Variants in TMEM175 observed in about 807,000 individuals in gnomAD.
The protein encoded by TMEM175 is transmembrane protein 175.
A neutral mutation model predicts 36.5 loss-of-function variants in TMEM175; 36 were observed. The ratio of observed to expected loss-of-function variants is 0.99; its 90% CI spans 0.76 to 1.30. The LOEUF is 1.30. Ranked by LOEUF, TMEM175 falls within the 50% of genes most tolerant of loss-of-function variation. The pLI, the probability that TMEM175 is intolerant of heterozygous loss-of-function variation, is 0.00. For synonymous variants in TMEM175, 339 were observed against 313.4 expected (o/e 1.08, Z -0.86); for missense variants, 705 against 692.8 (o/e 1.02, Z -0.20).
rs531782290 is a variant in TMEM175, at chr4:948,556, C to G, written c.192+402C>G. On this transcript the variant is annotated intron_variant, in intron 3 of 10. Coordinates refer to ENST00000264771, the MANE Select transcript of TMEM175 (RefSeq NM_032326.4). ...CTTACGTAGCTGCTCTGAGTAAACG[C>G]GGCCAGCGCCCCGTCTCAGCGGGGA... 9 of 1,337,508 alleles carry G rather than the reference C, an allele frequency of 6.7e-6. No homozygotes were observed. The South Asian group carries it at 1.1e-4, about 16-fold the overall frequency. 82.9% of individuals were successfully genotyped at this position (1,337,508 alleles called of 1,614,324 possible).
intron 1 of TMEM175, among the ~76,000 whole-genome samples, chr4:941,065 G>C (rs1020833266): frequency 7.0e-6 from 1 of 143,694 alleles, no homozygotes; most frequent in Admixed American, 7.0e-5. Flanking sequence ...AAAGGGGAAA[G>C]GGGGATGTGA....
chr4:939,019 G>A (rs549092553), intron 1 of TMEM175, among the ~76,000 whole-genome samples: 1 of 152,342 alleles, frequency 6.6e-6, no homozygotes, highest in Admixed American at 6.5e-5. Flanking sequence ...TGTGGTGGCT[G>A]GGTGTAGAGG....
intron 7 of TMEM175, among the ~76,000 whole-genome samples, 178 bp downstream of exon 7, chr4:952,628 CTGTG>C (rs35529704): frequency 0.43 from 49,680 of 114,402 alleles, 10,756 homozygotes; most frequent in African/African-American, 0.54. Context: ...GGGTCCTGTG[CTGTG>C]TGTGTGTGTG....
intron 1 of TMEM175, 25 bp from the exon 2 acceptor site, chr4:947,684 C>T: frequency 6.4e-7 from 1 of 1,554,442 alleles, no homozygotes; most frequent in East Asian, 2.3e-5. Flanking sequence ...CCCACAGGCA[C>T]ACTCAGACCT....
At chr4:950,204 G>C (rs1463509896) in intron 3 of TMEM175, among the ~76,000 whole-genome samples, 2 of 152,124 alleles carry the variant, frequency 1.3e-5, no homozygotes, top group Non-Finnish European at 2.9e-5. Context: ...GCAGGTGCCA[G>C]GGGAGACAGA....
At chr4:945,258 G>A (rs535759676) in intron 1 of TMEM175, among the ~76,000 whole-genome samples, 46 of 149,184 alleles carry the variant, frequency 3.1e-4, no homozygotes, top group Admixed American at 2.3e-3. Flanking sequence ...ACACATGTCC[G>A]TTTACATTCC....
In TMEM175 at chr4:958,560, G is replaced by A; in HGVS notation, c.*64G>A. On this transcript the variant is annotated 3_prime_UTR_variant, in exon 11 of 11. Transcript: ENST00000264771. ...TGGACCAGGGAGGACAGGATGCTGG[G>A]CAGGGGAAGCCAAGTCACGGGCAGG... 1 of 1,369,434 alleles carries A rather than the reference G, an allele frequency of 7.3e-7. No individual in the cohort carries two copies. The highest frequency in any genetic ancestry group is 9.6e-7 in the Non-Finnish European group (1 of 1,037,884). The allele number at this position is 1,369,434 out of a possible 1,614,324, so 84.8% of individuals were successfully genotyped here.
At chr4:952,214 C>T (rs1269111625) in intron 6 of TMEM175, among the ~76,000 whole-genome samples, 153 bp from the exon 7 acceptor site, 1 of 152,138 alleles carries the variant, frequency 6.6e-6, no homozygotes, top group East Asian at 1.9e-4. Flanking sequence ...TGGACACATG[C>T]CCCCCAGCAC....
chr4:953,924 G>A (rs1729285439), intron 8 of TMEM175, among the ~76,000 whole-genome samples: 1 of 152,160 alleles, frequency 6.6e-6, no homozygotes, highest in Non-Finnish European at 1.5e-5. Flanking sequence ...GGACTAAAGT[G>A]ATCCTCCCGC....
At chr4:951,740 C>A in intron 6 of TMEM175, 23 bp downstream of exon 6, 1 of 1,613,284 alleles carries the variant, frequency 6.2e-7, no homozygotes. Flanking sequence ...AGGCCCCTGA[C>A]ACCCTGAGGC....
intron 1 of TMEM175, among the ~76,000 whole-genome samples, chr4:945,147 T>TAGGTAGCCTGTCATGGCAGTCCCAGTG (rs1727973845): frequency 1.4e-5 from 1 of 69,888 alleles, no homozygotes; most frequent in Non-Finnish European, 3.3e-5. Context: ...GTGCAGACCC[T>TAGGTAGCCTGTCATGGCAGTCCCAGTG]AGGCAGCCTG....
chr4:953,056 G>A, intron 7 of TMEM175, 134 bp from the exon 8 acceptor site: 1 of 891,112 alleles, frequency 1.1e-6, no homozygotes, highest in Non-Finnish European at 1.6e-6. Context: ...GTGCGCGCGT[G>A]CCATGCAGCC....
chr4:956,605 G>GCTAA (rs1729690457), intron 10 of TMEM175: 1 of 607,838 alleles, frequency 1.6e-6, no homozygotes, highest in African/African-American at 2.0e-5. Flanking sequence ...ACCATGCCCA[G>GCTAA]CTAACTTTTT....
rs374772732 is a variant in TMEM175 at position 936,965 on chromosome 4, A to G, written c.-32+4425A>G. Among the ~76,000 whole-genome samples the G allele has an allele frequency of 2.0e-3, 305 of 152,236 alleles. 13 individuals are homozygous for G. The South Asian group carries it at 0.059, about 30-fold the overall frequency. ...AGTAGGACTCTGTCTCAAAAAAAAA[A>G]AGAGAAATTGTGTTGTATGAAAGGA... is the stretch of plus-strand genomic sequence containing the variant. On this transcript the variant is annotated intron_variant, in intron 1 of 10. Coordinates refer to ENST00000264771, the MANE Select transcript of TMEM175 (RefSeq NM_032326.4).
chr4:954,163 A>AT (rs1260838469), intron 8 of TMEM175, among the ~76,000 whole-genome samples: 6 of 151,106 alleles, frequency 4.0e-5, no homozygotes, highest in Admixed American at 4.0e-4. Flanking sequence ...TAAGTTTTGT[A>AT]TTTTTAGTAG....
At chr4:957,733 C>A in intron 10 of TMEM175, 91 bp from the exon 11 acceptor site, 1 of 1,314,138 alleles carries the variant, frequency 7.6e-7, no homozygotes, top group South Asian at 1.4e-5. Flanking sequence ...CGTGCCAGAT[C>A]CAGGCAGCCC....
intron 1 of TMEM175, 134 bp from the exon 2 acceptor site, chr4:947,575 G>A (rs750804421): frequency 4.4e-6 from 3 of 687,940 alleles, no homozygotes; most frequent in African/African-American, 3.6e-5. Flanking sequence ...ACAGAGCAGC[G>A]TGGACCCTTC....
At position 953,054 on chromosome 4, in the gene TMEM175, G is replaced by A. The variant is rs116639177; in HGVS notation, c.463-136G>A. 7.1e-4 allele frequency: 607 copies of A among 859,508 alleles called. 3 individuals carry two copies. The African/African-American group carries it at 9.3e-3, about 13-fold the overall frequency. The allele number at this position is 859,508 out of a possible 1,614,324, so 53.2% of individuals were successfully genotyped here. On this transcript the variant is annotated intron_variant, in intron 7 of 10. Coordinates refer to ENST00000264771, the MANE Select transcript of TMEM175 (RefSeq NM_032326.4). ...CCCACCCCAAGACCCCTGTGCGCGC[G>A]TGCCATGCAGCCCGGGGCCAGGTCC...
chr4:949,760 G>A (rs553461276), intron 3 of TMEM175, among the ~76,000 whole-genome samples: 6 of 152,196 alleles, frequency 3.9e-5, no homozygotes, highest in African/African-American at 1.4e-4. Context: ...GCGGCCCCCA[G>A]GGCAGGCTGC....
Sources: allele counts gnomAD v4.1 joint callset (sites outside exome capture counted in the v4.1 genomes callset), GRCh38; gene constraint gnomAD v4.1.1; transcripts MANE v1.5; gene names NCBI Gene and HGNC (gene_info 2026-07-23, HGNC 2026-07-21).